NSD2: variants seen among roughly 807,000 people sequenced by gnomAD.
The protein encoded by NSD2 is histone-lysine N-methyltransferase NSD2.
In NSD2, 12 loss-of-function variants were observed where a neutral mutation model predicts 139.0. The ratio of observed to expected loss-of-function variants is 0.09; its 90% CI spans 0.06 to 0.14. The LOEUF is 0.14. NSD2 is among the 10% of genes least tolerant of loss of function. The probability of loss-of-function intolerance (pLI) is 1.00; values close to 1 mark genes in which losing one functional copy is unlikely to be tolerated. For missense variants in NSD2, 1,155 were observed against 1,745.0 expected (o/e 0.66, Z 6.02); for synonymous variants, 669 against 648.7 (o/e 1.03, Z -0.48).
rs77074637 is a variant in NSD2 at position 1,980,047 on chromosome 4, G to C, written c.*1138G>C. On this transcript the variant is annotated 3_prime_UTR_variant, in exon 22 of 22. Coordinates refer to ENST00000508803, the MANE Select transcript of NSD2 (RefSeq NM_001042424.3). ...TCTGGTGATGGAAGATGCAGTCTCTGCTGATCACATGTGCCCTCTGCCAGG... is the reference window on the plus strand; with the variant it reads ...TCTGGTGATGGAAGATGCAGTCTCTCCTGATCACATGTGCCCTCTGCCAGG... 7.0e-4 allele frequency: 163 copies of C among 233,148 alleles called. 2 individuals are homozygous for C. The East Asian group carries it at 9.8e-3, about 14-fold the overall frequency. 14.4% of individuals were successfully genotyped at this position (233,148 alleles called of 1,614,324 possible).
In NSD2 at chr4:1,979,218, A is replaced by T; in HGVS notation, c.*309A>T. ...CCCTCCCACTCTATTTTTTTAGGTT[A>T]AAGTTAATTGGCATATGGAATGTTT... On this transcript the variant is annotated 3_prime_UTR_variant, in exon 22 of 22. Transcript: ENST00000508803. The T allele has an allele frequency of 3.1e-6, 1 of 327,814 alleles. No homozygotes were observed. Among genetic ancestry groups the T allele is most frequent in the Non-Finnish European group, 5.5e-6 (1 of 180,584 alleles). 20.3% of individuals were successfully genotyped at this position (327,814 alleles called of 1,614,324 possible).
At chr4:1,915,434 G>C (rs772749277) in intron 3 of NSD2, among the ~76,000 whole-genome samples, 2 of 152,078 alleles carry the variant, frequency 1.3e-5, no homozygotes, top group Non-Finnish European at 2.9e-5. Flanking sequence ...TTTCATAGTT[G>C]TATTTTAGAA....
In NSD2 at chr4:1,948,169, C is replaced by T; in HGVS notation, c.1882-2903C>T. ...CAGACTGAAGAAAACTTTGAAAAGTCAGGAGCTAAGCTGCTCGGAGCTCAG... is the reference window on the plus strand; with the variant it reads ...CAGACTGAAGAAAACTTTGAAAAGTTAGGAGCTAAGCTGCTCGGAGCTCAG... On this transcript the variant is annotated intron_variant, in intron 9 of 21. Transcript: ENST00000508803. The surrounding 1 kb of genome is among the most constrained non-coding windows in gnomAD (Gnocchi z 4.5). 9.4e-7 allele frequency: 1 copy of T among 1,063,268 alleles called. No homozygotes were observed. Among genetic ancestry groups the T allele is most frequent in the Non-Finnish European group, 1.1e-6 (1 of 877,790 alleles). 65.9% of individuals were successfully genotyped at this position (1,063,268 alleles called of 1,614,324 possible). A position where few individuals can be genotyped will look rare whatever the true frequency, so the allele number is the denominator to read the frequency against.
intron 5 of NSD2, among the ~76,000 whole-genome samples, chr4:1,924,215 T>C (rs184786781): frequency 5.3e-4 from 80 of 152,266 alleles, no homozygotes; most frequent in African/African-American, 1.9e-3. Flanking sequence ...ATCAGCAATG[T>C]GTGTACAGCC....
At chr4:1,886,220 T>TGG (rs1311798516) in intron 1 of NSD2, among the ~76,000 whole-genome samples, 9 of 152,074 alleles carry the variant, frequency 5.9e-5, no homozygotes, top group Non-Finnish European at 1.0e-4. Flanking sequence ...TTCTTTTTTC[T>TGG]TTTTGAGACA....
At position 1,953,519 on chromosome 4, in the gene NSD2, C is replaced by T. The variant is rs374024971; in HGVS notation, c.2333C>T (p.Ser778Leu). ...HASNPSNPRP[S>L]KGKMMRCVRC... is the part of the protein sequence containing the mutation. The stretch of plus-strand genomic sequence containing the variant: ...TCCAACCCTTCAAACCCAAGGCCGT[C>T]AAAAGGTACAGGTGCACCTGCGCAG... The change falls in exon 12 of 22, where the codon TCA (serine) becomes TTA (leucine). Residue 778 changes from serine (S) to leucine (L), a missense_variant. This residue lies in a region of NSD2 where 120 missense variants were observed against 239.3 expected (regional missense o/e 0.50). Coordinates refer to ENST00000508803, the MANE Select transcript of NSD2 (RefSeq NM_001042424.3). 94 of 1,608,304 alleles carry T rather than the reference C, an allele frequency of 5.8e-5. No homozygotes were observed. Among genetic ancestry groups the T allele is most frequent in the Non-Finnish European group, 7.7e-5 (91 of 1,177,868 alleles).
At chr4:1,962,439 G>A (rs1725463026) in intron 18 of NSD2, among the ~76,000 whole-genome samples, 1 of 152,070 alleles carries the variant, frequency 6.6e-6, no homozygotes, top group African/African-American at 2.4e-5. Flanking sequence ...GGTATGGAAA[G>A]TGTTGTGGCT....
chr4:1,953,341 G>C lies in NSD2; in HGVS notation c.2155G>C (p.Val719Leu), dbSNP rs200415868. The change falls in exon 12 of 22, where the codon GTG becomes CTG. Residue 719 changes from valine to leucine, a missense_variant. Physicochemically the swap from Val to Leu is conservative, Grantham distance 32. Transcript: ENST00000508803. ...ECASGIHSCF[V>L]CKESKTDVKR... ...TTTGTTAGGGATTCACTCATGTTTC[G>C]TGTGTAAAGAGAGCAAGACAGATGT... 1 of 1,614,188 alleles carries C rather than the reference G, an allele frequency of 6.2e-7. No individual in the cohort carries two copies. The highest frequency in any genetic ancestry group is 2.2e-5 in the East Asian group (1 of 44,888).
chr4:1,920,311 A>C (rs1010268516), intron 5 of NSD2, among the ~76,000 whole-genome samples: 4 of 152,048 alleles, frequency 2.6e-5, no homozygotes, highest in Non-Finnish European at 4.4e-5. Flanking sequence ...TTAGCTGGGC[A>C]TGGTGGTGTG....
In NSD2 at chr4:1,875,729, C is replaced by A. The variant is rs28478478; in HGVS notation, c.-30+4187C>A. Among the ~76,000 whole-genome samples the A allele has an allele frequency of 5.3e-3, 731 of 137,148 alleles. 7 individuals are homozygous for A. The highest frequency in any genetic ancestry group is 0.019 in the African/African-American group (701 of 36,448). 90.0% of individuals were successfully genotyped at this position (137,148 alleles called of 152,430 possible). A position where few individuals can be genotyped will look rare whatever the true frequency, so the allele number is the denominator to read the frequency against. ...CATCCTGGCTAACATGATGAAACCC[C>A]GTTTCTACTAAAAAAAAAAAATACA... On this transcript the variant is annotated intron_variant, in intron 1 of 21. Transcript: ENST00000508803.
At chr4:1,951,280 G>A in intron 10 of NSD2, 77 bp downstream of exon 10, 1 of 1,587,156 alleles carries the variant, frequency 6.3e-7, no homozygotes, top group Non-Finnish European at 8.6e-7. Context: ...AATTTGTAGT[G>A]TCTTTTCCCT....
At chr4:1,881,363 C>T (rs1233751742) in intron 1 of NSD2, among the ~76,000 whole-genome samples, 11 of 152,212 alleles carry the variant, frequency 7.2e-5, no homozygotes, top group East Asian at 5.8e-4. Context: ...CCTGGGTTTA[C>T]GCCATTCTCC....
chr4:1,956,754 G>A lies in NSD2; in HGVS notation c.2881+566G>A, dbSNP rs991794489. Among the ~76,000 whole-genome samples, 1 of 152,242 alleles carries A rather than the reference G, an allele frequency of 6.6e-6. No individual in the cohort carries two copies. Among genetic ancestry groups the A allele is most frequent in the African/African-American group, 2.4e-5 (1 of 41,480 alleles). On this transcript the variant is annotated intron_variant, in intron 15 of 21. Transcript: ENST00000508803. This position sits in a 1 kb window ranked among gnomAD's most constrained non-coding sequence, Gnocchi z 5.3. ...TTTATGATCGGTCAAGAGAGAATGA[G>A]GCCAGTAGAGAAAACCCGAGGTGTG...
At position 1,908,313 on chromosome 4, in the gene NSD2, G is replaced by C. The variant is rs1718209800; in HGVS notation, c.760+3935G>C. Among the ~76,000 whole-genome samples the C allele has an allele frequency of 2.0e-5, 3 of 152,244 alleles. No individual in the cohort carries two copies. In the South Asian group the frequency reaches 6.2e-4, roughly 32 times the overall value. On this transcript the variant is annotated intron_variant, in intron 3 of 21. Transcript: ENST00000508803. ...TACTAAAGATCTGTGTACAGAAGAA[G>C]GGAGTGTCCTGCACCAGCATAGGCT...
intron 5 of NSD2, among the ~76,000 whole-genome samples, chr4:1,921,838 CGTT>C (rs1409688375): frequency 6.7e-6 from 1 of 148,854 alleles, no homozygotes; most frequent in African/African-American, 2.5e-5. Context: ...ATTTAATAAA[CGTT>C]GTACGGAAAA....
At chr4:1,904,102 AT>A in intron 2 of NSD2, 113 bp from the exon 3 acceptor site, 1 of 1,211,022 alleles carries the variant, frequency 8.3e-7, no homozygotes. Context: ...AGCACACTCC[AT>A]TTTTGGGGGT....
intron 7 of NSD2, 32 bp from the exon 8 acceptor site, chr4:1,938,401 CTTTTTTTTTTCTTTCTTT>C: frequency 1.1e-6 from 1 of 872,424 alleles, no homozygotes; most frequent in Non-Finnish European, 1.4e-6. Context: ...TTTTTCTTTT[CTTTTTTTTTTCTTTCTTT>C]TTTTTTTTTT....
intron 1 of NSD2, among the ~76,000 whole-genome samples, chr4:1,882,371 A>C (rs1714764956): frequency 6.6e-6 from 1 of 152,200 alleles, no homozygotes; most frequent in South Asian, 2.1e-4. Flanking sequence ...ATGGGCAAGA[A>C]AGAAAACTTT....
intron 1 of NSD2, among the ~76,000 whole-genome samples, chr4:1,872,564 TTGTGTGTGTG>T (rs752377919): frequency 3.7e-4 from 37 of 101,160 alleles, no homozygotes; most frequent in Admixed American, 1.8e-3. Flanking sequence ...AACGTGTATT[TTGTGTGTGTG>T]TGTGTGTGTG....
Sources: gnomAD v4.1 joint callset for allele counts (sites outside exome capture counted in the v4.1 genomes callset) on GRCh38, gnomAD v4.1.1 for gene constraint, gnomAD v4.1.1 regional missense constraint, Gnocchi (gnomAD v3.1) non-coding constraint, MANE v1.5 for transcripts, NCBI Gene and HGNC (gene_info 2026-07-23, HGNC 2026-07-21) for gene names.